Variants in LRRC31 observed in about 807,000 individuals in gnomAD.
LRRC31 encodes leucine rich repeat containing 31, also known as leucine-rich repeat-containing protein 31.
LRRC31 carries 35 observed loss-of-function variants against 46.7 expected under a neutral mutation model. The observed-to-expected ratio is 0.75, with a 90% confidence interval of 0.57 to 0.99. LRRC31 has a LOEUF of 0.99. Among genes scored for constraint, LRRC31 ranks in the 50% least tolerant of loss-of-function variants. LRRC31 has a pLI of 0.00. For synonymous variants in LRRC31, 236 were observed against 235.1 expected, an observed-to-expected ratio of 1.00 and a Z score of -0.03; for missense variants, 613 against 626.1, an observed-to-expected ratio of 0.98 and a Z score of 0.22.
Position 169,856,347 on chromosome 3 carries a change from A to G in LRRC31, c.812T>C (p.Val271Ala), listed in dbSNP as rs1178544096. 1 of 1,570,476 alleles carries G rather than the reference A, an allele frequency of 6.4e-7. No homozygotes were observed. The highest frequency in any genetic ancestry group is 8.6e-7 in the Non-Finnish European group (1 of 1,158,316). The change falls in exon 5 of 9, where the codon GTC (valine) becomes GCC (alanine). Residue 271 changes from valine (V) to alanine (A), a missense_variant. Coordinates refer to ENST00000316428, the MANE Select transcript of LRRC31 (RefSeq NM_024727.4). ...LHSCGLSQKS[V>A]KILDAAFRYL... ...CATTGTTAACTCACCCAATATTTTGACACTCTTTTGTGATAATCCACATGA... is the reference window on the plus strand; with the variant it reads ...CATTGTTAACTCACCCAATATTTTGGCACTCTTTTGTGATAATCCACATGA...
intron 1 of LRRC31, among the ~76,000 whole-genome samples, chr3:169,868,653 G>T (rs528612517): frequency 6.6e-6 from 1 of 152,052 alleles, no homozygotes; most frequent in Admixed American, 6.6e-5. Flanking sequence ...AGAAATGATC[G>T]TTTGTGTTAT....
At chr3:169,846,748 G>T (rs183057617) in intron 8 of LRRC31, among the ~76,000 whole-genome samples, 92 of 152,170 alleles carry the variant, frequency 6.0e-4, no homozygotes, top group Middle Eastern at 3.4e-3. Context: ...GTGTGGACAG[G>T]CCACTTCTAC....
intron 1 of LRRC31, among the ~76,000 whole-genome samples, chr3:169,867,246 C>CTTT (rs757102934): frequency 1.7e-4 from 13 of 78,776 alleles, no homozygotes; most frequent in East Asian, 4.0e-4. Flanking sequence ...GAGATGGAGT[C>CTTT]TTTTTTTTTT....
At chr3:169,853,632 T>A (rs1780855295) in intron 6 of LRRC31, 1 of 985,906 alleles carries the variant, frequency 1.0e-6, no homozygotes, top group Admixed American at 6.1e-5. Flanking sequence ...TAGGAACCCA[T>A]AATGCTCCAC....
In LRRC31 at chr3:169,853,428, T is replaced by C. The variant is rs539290894; in HGVS notation, c.991+1385A>G. On this transcript the variant is annotated intron_variant, in intron 6 of 8. Coordinates refer to ENST00000316428, the MANE Select transcript of LRRC31 (RefSeq NM_024727.4). ...TTCCAGGGCCATTCACCCATGTCAG[T>C]GGCTGTGAACCTAGGTAAGGAAAGC... 50 of 985,452 alleles carry C rather than the reference T, an allele frequency of 5.1e-5. 1 individual carries two copies. The South Asian group carries it at 2.0e-3, about 39-fold the overall frequency. 61.0% of individuals were successfully genotyped at this position (985,452 alleles called of 1,614,324 possible). A position where few individuals can be genotyped will look rare whatever the true frequency, so the allele number is the denominator to read the frequency against.
chr3:169,851,829 A>C, intron 6 of LRRC31, 43 bp from the exon 7 acceptor site: 913 of 1,573,952 alleles, frequency 5.8e-4, no homozygotes, highest in Non-Finnish European at 7.3e-4. Flanking sequence ...GCACCATCTC[A>C]CAGGGAGTCT....
At chr3:169,857,065 G>C (rs754367866) in intron 3 of LRRC31, among the ~76,000 whole-genome samples, 193 bp from the exon 4 acceptor site, 1 of 151,842 alleles carries the variant, frequency 6.6e-6, no homozygotes, top group African/African-American at 2.4e-5. Flanking sequence ...AGATTTACAG[G>C]CACAGTCATT....
rs1209960954 is a variant in LRRC31 at position 169,857,339 on chromosome 3, TATATATACAC to T, written c.488-477_488-468del. On this transcript the variant is annotated intron_variant, in intron 3 of 8. Transcript: ENST00000316428. The stretch of plus-strand genomic sequence containing the variant: ...ATGCCTATATATATATATATATATA[TATATATACAC>T]ACACACACACACACACACACAAGTA... Among the ~76,000 whole-genome samples, 355 of 112,372 alleles carry T rather than the reference TATATATACAC, an allele frequency of 3.2e-3. 10 individuals carry two copies. Among genetic ancestry groups the T allele is most frequent in the Middle Eastern group, 0.013 (3 of 230 alleles). 73.7% of individuals were successfully genotyped at this position (112,372 alleles called of 152,430 possible).
rs117260563 is a variant in LRRC31, at chr3:169,865,826, G to T, written c.175+3807C>A. Among the ~76,000 whole-genome samples the T allele has an allele frequency of 8.5e-5, 13 of 152,200 alleles. No homozygotes were observed. The East Asian group carries it at 2.5e-3, about 29-fold the overall frequency. The stretch of plus-strand genomic sequence containing the variant: ...AAGGAAGAGTGGGAGTCATCCAGGT[G>T]GGTGGACATGAGGGAGGGATAAGTC... On this transcript the variant is annotated intron_variant, in intron 1 of 8. Coordinates refer to ENST00000316428, the MANE Select transcript of LRRC31 (RefSeq NM_024727.4).
At position 169,856,511 on chromosome 3, in the gene LRRC31, G is replaced by T. The variant is rs1560629057; in HGVS notation, c.656-8C>A. ...GCATAGGTAGCAGTTGACCTAGAAG[G>T]AAAGAAATCCAAATAAGAAGGGTAG... On this transcript the variant is annotated splice_polypyrimidine_tract_variant and splice_region_variant and intron_variant, in intron 4 of 8. Coordinates refer to ENST00000316428, the MANE Select transcript of LRRC31 (RefSeq NM_024727.4). 1 of 1,585,370 alleles carries T rather than the reference G, an allele frequency of 6.3e-7. No homozygotes were observed. Among genetic ancestry groups the T allele is most frequent in the Non-Finnish European group, 8.6e-7 (1 of 1,167,478 alleles).
chr3:169,839,753 T>G lies in LRRC31; in HGVS notation c.*229A>C, dbSNP rs1214395910. ...ATAATGGCATGCTCATATTAGATAT[T>G]ATATATATATTTACATATATATGTG... On this transcript the variant is annotated 3_prime_UTR_variant, in exon 9 of 9. Coordinates refer to ENST00000316428, the MANE Select transcript of LRRC31 (RefSeq NM_024727.4). 6.0e-6 allele frequency: 1 copy of G among 167,254 alleles called. No individual in the cohort carries two copies. The allele number at this position is 167,254 out of a possible 1,614,324, so 10.4% of individuals were successfully genotyped here. A position where few individuals can be genotyped will look rare whatever the true frequency, so the allele number is the denominator to read the frequency against.
rs1781426660 is a variant in LRRC31 at position 169,869,532 on chromosome 3, C to A, written c.175+101G>T. 5.9e-6 allele frequency: 6 copies of A among 1,014,850 alleles called. No homozygotes were observed. The South Asian group carries it at 1.3e-4, about 22-fold the overall frequency. 62.9% of individuals were successfully genotyped at this position (1,014,850 alleles called of 1,614,324 possible). A position where few individuals can be genotyped will look rare whatever the true frequency, so the allele number is the denominator to read the frequency against. ...CTCATATACCCCATAAATATATACACCTACTATGTACCCACAAAAATTAAA... is the reference window on the plus strand; with the variant it reads ...CTCATATACCCCATAAATATATACAACTACTATGTACCCACAAAAATTAAA... On this transcript the variant is annotated intron_variant, in intron 1 of 8. Transcript: ENST00000316428.
At chr3:169,854,684 C>T (rs950936887) in intron 6 of LRRC31, 129 bp downstream of exon 6, 4 of 696,766 alleles carry the variant, frequency 5.7e-6, no homozygotes, top group Non-Finnish European at 9.7e-6. Flanking sequence ...ACTCACAGAA[C>T]TGTTATGAAT....
rs1238329465 is a variant in LRRC31, at chr3:169,860,661, T to C, written c.387A>G (p.Gly129=). The change falls in exon 3 of 9, where the codon GGA becomes GGG. Residue 129 remains glycine, a synonymous_variant. Transcript: ENST00000316428. ...LDISWNGFVG[G]TLLSITQQMH... ...TTTGCTGAGTGATGGAAAGGAGGGT[T>C]CCACCTACAAAACCATTCCAGGAGA... 3 of 1,614,174 alleles carry C rather than the reference T, an allele frequency of 1.9e-6. No individual in the cohort carries two copies. In the Admixed American group the frequency reaches 5.0e-5, roughly 27 times the overall value.
At position 169,851,723 on chromosome 3, in the gene LRRC31, C is replaced by T. The variant is rs1451967386; in HGVS notation, c.1055G>A (p.Gly352Asp). 4.3e-6 allele frequency: 7 copies of T among 1,614,024 alleles called. No individual in the cohort carries two copies. The highest frequency in any genetic ancestry group is 1.1e-5 in the South Asian group (1 of 91,078). ...GCTGAGTAAGTTTTCAGAAGAACTG[C>T]CCATCTTTTTGTTGGCTGATAAATC... The part of the protein sequence containing the change: ...ELDLSANKKM[G>D]SSSENLLSRL... The change falls in exon 7 of 9, where the codon GGC (glycine) becomes GAC (aspartate). Residue 352 changes from glycine (G) to aspartate (D), a missense_variant. By Grantham distance (94) the Gly-to-Asp change is moderately conservative (BLOSUM62 -1). Coordinates refer to ENST00000316428, the MANE Select transcript of LRRC31 (RefSeq NM_024727.4).
chr3:169,865,820 C>T (rs1473292116), intron 1 of LRRC31, among the ~76,000 whole-genome samples: 2 of 151,946 alleles, frequency 1.3e-5, no homozygotes, highest in African/African-American at 4.8e-5. Context: ...TGGGAGTCAT[C>T]CAGGTGGGTG....
chr3:169,854,542 T>A (rs1780884098), intron 6 of LRRC31, among the ~76,000 whole-genome samples: 1 of 152,212 alleles, frequency 6.6e-6, no homozygotes, highest in Non-Finnish European at 1.5e-5. Flanking sequence ...AAGAGATTTA[T>A]TTCTAAACAG....
intron 5 of LRRC31, 81 bp downstream of exon 5, chr3:169,856,255 G>A: frequency 1.3e-6 from 1 of 782,498 alleles, no homozygotes; most frequent in Non-Finnish European, 1.7e-6. Flanking sequence ...ATATTTCCTA[G>A]TAACTTTTCA....
At chr3:169,868,343 A>G (rs1781393884) in intron 1 of LRRC31, among the ~76,000 whole-genome samples, 1 of 137,204 alleles carries the variant, frequency 7.3e-6, no homozygotes, top group Non-Finnish European at 1.7e-5. Flanking sequence ...TTCATTCAGC[A>G]AAGCTGATTT....
Sources: gnomAD v4.1 joint callset for allele counts (sites outside exome capture counted in the v4.1 genomes callset) on GRCh38, gnomAD v4.1.1 for gene constraint, MANE v1.5 for transcripts, NCBI Gene and HGNC (gene_info 2026-07-23, HGNC 2026-07-21) for gene names.